ZNF385D: variants seen among roughly 807,000 people sequenced by gnomAD.
ZNF385D encodes the protein zinc finger protein 659.
A neutral mutation model predicts 35.8 loss-of-function variants in ZNF385D; 15 were observed. The ratio of observed to expected loss-of-function variants is 0.42; its 90% CI spans 0.28 to 0.64. The LOEUF is 0.64. Ranked by LOEUF, ZNF385D falls within the 30% of genes least tolerant of loss-of-function variation. The probability of loss-of-function intolerance (pLI) is 0.23; values close to 1 mark genes in which losing one functional copy is unlikely to be tolerated. For missense variants in ZNF385D, 474 were observed against 494.6 expected, an observed-to-expected ratio of 0.96 and a Z score of 0.39; for synonymous variants, 212 against 186.8, an observed-to-expected ratio of 1.13 and a Z score of -1.10.
chr3:21,886,962 C>A (rs1698579388), intron 3 of ZNF385D, among the ~76,000 whole-genome samples: 1 of 152,084 alleles, frequency 6.6e-6, no homozygotes, highest in Non-Finnish European at 1.5e-5. Flanking sequence ...CCATTCAACG[C>A]CACACGTTTT....
intron 2 of ZNF385D, among the ~76,000 whole-genome samples, chr3:21,649,103 T>C (rs969831885): frequency 1.3e-5 from 2 of 152,188 alleles, no homozygotes; most frequent in Admixed American, 6.6e-5. Flanking sequence ...ATTGTCAGCT[T>C]TACCTGTGGC....
At chr3:21,907,506 T>C (rs556319880) in intron 3 of ZNF385D, among the ~76,000 whole-genome samples, 1 of 152,264 alleles carries the variant, frequency 6.6e-6, no homozygotes, top group Non-Finnish European at 1.5e-5. Flanking sequence ...GTCCTTATGG[T>C]TGGAATTCAG....
At chr3:22,287,451 C>G (rs1195314461) in intron 2 of ZNF385D, among the ~76,000 whole-genome samples, 2 of 151,960 alleles carry the variant, frequency 1.3e-5, no homozygotes, top group Non-Finnish European at 2.9e-5. Context: ...CTTTCTTCCT[C>G]TCTTGCTGTC....
At chr3:22,153,131 C>A (rs748817682) in intron 3 of ZNF385D, among the ~76,000 whole-genome samples, 5 of 152,144 alleles carry the variant, frequency 3.3e-5, no homozygotes, top group Non-Finnish European at 5.9e-5. Context: ...CCCTTCCTGA[C>A]CTCTGCTGTA....
chr3:21,474,833 C>T (rs1309404281), intron 4 of ZNF385D, among the ~76,000 whole-genome samples: 1 of 152,064 alleles, frequency 6.6e-6, no homozygotes, highest in Non-Finnish European at 1.5e-5. Context: ...ATAAATTCCT[C>T]ATATTAATGA....
chr3:21,757,379 G>A (rs1288456206), intron 3 of ZNF385D, among the ~76,000 whole-genome samples: 1 of 152,090 alleles, frequency 6.6e-6, no homozygotes, highest in Non-Finnish European at 1.5e-5. Flanking sequence ...CTGACCTCAG[G>A]TGATCTGACC....
At chr3:21,828,963 C>T (rs75087859) in intron 3 of ZNF385D, among the ~76,000 whole-genome samples, 174 of 152,240 alleles carry the variant, frequency 1.1e-3, no homozygotes, top group Non-Finnish European at 2.2e-3. Context: ...CTCTTGTCTC[C>T]CTCTTACAAG....
Position 21,745,525 on chromosome 3 carries a change from T to C in ZNF385D, c.22+5370A>G, listed in dbSNP as rs1338905439. Among the ~76,000 whole-genome samples, 5 of 152,340 alleles carry C rather than the reference T, an allele frequency of 3.3e-5. No individual in the cohort carries two copies. The East Asian group carries it at 9.6e-4, about 29-fold the overall frequency. On this transcript the variant is annotated intron_variant, in intron 1 of 7. Coordinates refer to ENST00000281523, the MANE Select transcript of ZNF385D (RefSeq NM_024697.3). ...CTATTTTCAATCCTAGCAATTTGGTTCAAGCATGATCTCAACCACTTTAAG... is the reference window on the plus strand; with the variant it reads ...CTATTTTCAATCCTAGCAATTTGGTCCAAGCATGATCTCAACCACTTTAAG...
At chr3:22,232,897 T>C (rs917844724) in intron 2 of ZNF385D, among the ~76,000 whole-genome samples, 4 of 152,208 alleles carry the variant, frequency 2.6e-5, no homozygotes, top group African/African-American at 9.6e-5. Flanking sequence ...AGATTTCAAT[T>C]TCACTGGATT....
At chr3:22,009,754 C>G (rs259451) in intron 3 of ZNF385D, among the ~76,000 whole-genome samples, 37,375 of 151,716 alleles carry the variant, frequency 0.25, 5,069 homozygotes, top group Middle Eastern at 0.3. Flanking sequence ...ATACCAAAAT[C>G]TGGATAGTAG....
intron 2 of ZNF385D, among the ~76,000 whole-genome samples, chr3:22,278,215 A>G (rs896776937): frequency 1.3e-5 from 2 of 152,024 alleles, no homozygotes; most frequent in Non-Finnish European, 2.9e-5. Context: ...ATGCAACTAT[A>G]AATGTATTCA....
At chr3:21,579,568 G>A (rs1321571491) in intron 2 of ZNF385D, 1 of 152,040 alleles carries the variant, frequency 6.6e-6, no homozygotes, top group Non-Finnish European at 1.5e-5. Context: ...AAGTAAAAAT[G>A]AGAAAGTCCT....
chr3:22,274,184 T>A (rs1229640417), intron 2 of ZNF385D, among the ~76,000 whole-genome samples: 1 of 151,904 alleles, frequency 6.6e-6, no homozygotes, highest in Non-Finnish European at 1.5e-5. Flanking sequence ...ACAAAACAAG[T>A]TCAATCAGAA....
chr3:21,661,545 T>C (rs1285649706), intron 2 of ZNF385D, among the ~76,000 whole-genome samples: 1 of 152,176 alleles, frequency 6.6e-6, no homozygotes, highest in African/African-American at 2.4e-5. Context: ...TTTCAAGAAA[T>C]ACAAATTCAG....
chr3:22,303,207 A>G (rs1417435791), intron 2 of ZNF385D, among the ~76,000 whole-genome samples: 2 of 152,158 alleles, frequency 1.3e-5, no homozygotes, highest in Non-Finnish European at 2.9e-5. Context: ...TCTTGCAGCT[A>G]CATGTATTGT....
chr3:22,203,054 T>A lies in ZNF385D; in HGVS notation c.107-34019A>T, dbSNP rs183701575. 5.3e-3 allele frequency among the ~76,000 whole-genome samples: 802 copies of A among 152,158 alleles called. 4 individuals carry two copies. Among genetic ancestry groups the A allele is most frequent in the African/African-American group, 0.019 (771 of 41,540 alleles). On this transcript the variant is annotated intron_variant, in intron 2 of 5. Coordinates refer to the ZNF385D transcript ENST00000494108. ...AGACATGCAACCTAGGGAGACATCA[T>A]CTGGGTGTCTATGGGAGTGCTTCTG... is the stretch of plus-strand genomic sequence containing the variant.
At chr3:22,348,598 G>T (rs745328714) in intron 2 of ZNF385D, among the ~76,000 whole-genome samples, 28 of 147,226 alleles carry the variant, frequency 1.9e-4, no homozygotes, top group Non-Finnish European at 4.1e-4. Flanking sequence ...CCGGGAGGTG[G>T]AAGTTGCGGT....
intron 2 of ZNF385D, among the ~76,000 whole-genome samples, chr3:21,628,895 A>ATCCTTTCCAACT (rs2065205816): frequency 6.6e-6 from 1 of 152,092 alleles, no homozygotes; most frequent in Non-Finnish European, 1.5e-5. Flanking sequence ...CTTAAATGTG[A>ATCCTTTCCAACT]CCTAAAATAT....
intron 2 of ZNF385D, among the ~76,000 whole-genome samples, chr3:21,565,526 G>A (rs1037602150): frequency 6.8e-6 from 1 of 148,140 alleles, no homozygotes; most frequent in Non-Finnish European, 1.5e-5. Flanking sequence ...GTACAGGCTT[G>A]AGCCACCACA....
Sources: gnomAD v4.1 joint callset for allele counts (sites outside exome capture counted in the v4.1 genomes callset) on GRCh38, gnomAD v4.1.1 for gene constraint, MANE v1.5 for transcripts, NCBI Gene and HGNC (gene_info 2026-07-23, HGNC 2026-07-21) for gene names.